Variants in BEST1 observed in about 807,000 individuals in gnomAD.
The protein encoded by BEST1 is bestrophin 1, also known as bestrophin-1.
BEST1 carries 58 observed loss-of-function variants against 63.3 expected under a neutral mutation model. The observed-to-expected ratio is 0.92, with a 90% CI of 0.74 to 1.14. The LOEUF (loss-of-function observed/expected upper bound fraction) is 1.14, where lower values mean the gene tolerates loss of function less well. Among genes scored for constraint, BEST1 ranks in the 50% most tolerant of loss-of-function variants. The pLI is 0.00. For missense variants in BEST1, 671 were observed against 740.1 expected, an observed-to-expected ratio of 0.91 and a Z score of 1.08; for synonymous variants, 283 against 291.6, an observed-to-expected ratio of 0.97 and a Z score of 0.30.
downstream of BEST1, chr11:61,964,823 G>A (rs146700893): frequency 1.5e-4 from 245 of 1,600,790 alleles, no homozygotes; most frequent in African/African-American, 2.6e-3. Flanking sequence ...AGTTGGTCAC[G>A]TGGTCACCCA....
At chr11:61,954,888 C>A in intron 2 of BEST1, 1 of 985,420 alleles carries the variant, frequency 1.0e-6, no homozygotes, top group South Asian at 4.7e-5. Flanking sequence ...ATTCTCCCCA[C>A]AAGAAACCAC....
rs557511698 is a variant in BEST1, at chr11:61,959,662, C to G, written c.948+84C>G. On this transcript the variant is annotated intron_variant, in intron 8 of 10. Transcript: ENST00000378043. ...AGGACCCCACTGTTCTGTAGGGAGG[C>G]CTCACAGTGAATGATCAACCCTTCC... 4.1e-6 allele frequency: 6 copies of G among 1,472,654 alleles called. No homozygotes were observed. The East Asian group carries it at 1.4e-4, about 34-fold the overall frequency. 91.2% of individuals were successfully genotyped at this position (1,472,654 alleles called of 1,614,324 possible). A position where few individuals can be genotyped will look rare whatever the true frequency, so the allele number is the denominator to read the frequency against.
intron 4 of BEST1, 36 bp from the exon 5 acceptor site, chr11:61,956,808 T>C (rs761342902): frequency 6.2e-7 from 1 of 1,613,480 alleles, no homozygotes; most frequent in East Asian, 2.2e-5. Flanking sequence ...TTCTGCAGGT[T>C]CTCCCACCCA....
At chr11:61,964,861 T>C (rs765723689), downstream of BEST1, 10 of 1,604,104 alleles carry the variant, frequency 6.2e-6, no homozygotes, top group Admixed American at 5.0e-5. Context: ...ACCTGCTCAT[T>C]CAGGTAATGT....
Position 61,955,944 on chromosome 11 carries a change from G to C in BEST1, c.474G>C (p.Val158=), listed in dbSNP as rs966570370. 5.2e-6 allele frequency: 8 copies of C among 1,547,202 alleles called. No individual in the cohort carries two copies. The highest frequency in any genetic ancestry group is 7.0e-6 in the Non-Finnish European group (8 of 1,145,090). The change falls in exon 4 of 11, where the codon GTG becomes GTC. Residue 158 remains valine (V), a synonymous_variant. Transcript: ENST00000378043. The part of the protein sequence containing the change: ...YKRFPSAQHL[V]QAGFMTPAEH... ...GCTTCCCCAGCGCCCAGCACCTGGT[G>C]CAAGCAGGTGGGCGGACCGGGAGCA...
At chr11:61,950,599 A>G (rs1940544442) in intron 1 of BEST1, among the ~76,000 whole-genome samples, 172 bp downstream of exon 1, 1 of 152,228 alleles carries the variant, frequency 6.6e-6, no homozygotes, top group Non-Finnish European at 1.5e-5. Flanking sequence ...CTTGGTGTGC[A>G]TCAGGCACAG....
chr11:61,963,852 C>CAG, intron 10 of BEST1: 1 of 1,309,092 alleles, frequency 7.6e-7, no homozygotes, highest in Non-Finnish European at 9.9e-7. Context: ...AAAAAAAATA[C>CAG]AAATCAGCTG....
rs115725578 is a variant in BEST1, at chr11:61,963,772, G to A, written c.1740-332G>A. On this transcript the variant is annotated intron_variant, in intron 10 of 10. Transcript: ENST00000378043. ...AATCTTGTCTTGGGCTGGGTGTGGA[G>A]GCAAGTGGATCACAGGAGGTCAGGA... The A allele has an allele frequency of 3.0e-5, 36 of 1,213,016 alleles. No homozygotes were observed. The African/African-American group carries it at 4.7e-4, about 16-fold the overall frequency. 75.1% of individuals were successfully genotyped at this position (1,213,016 alleles called of 1,614,324 possible).
At chr11:61,950,828 C>T (rs1051069780) in intron 1 of BEST1, among the ~76,000 whole-genome samples, 1 of 152,134 alleles carries the variant, frequency 6.6e-6, no homozygotes, top group African/African-American at 2.4e-5. Flanking sequence ...CACAGAGCAC[C>T]GGTGGCAGTG....
intron 2 of BEST1, among the ~76,000 whole-genome samples, chr11:61,954,378 T>C (rs771129467): frequency 5.9e-5 from 9 of 152,222 alleles, no homozygotes; most frequent in Non-Finnish European, 1.0e-4. Context: ...AAATGTGTAA[T>C]GATGTCTCCA....
intron 3 of BEST1, 136 bp downstream of exon 3, chr11:61,955,337 C>G (rs1295112881): frequency 7.8e-6 from 12 of 1,537,748 alleles, no homozygotes; most frequent in Non-Finnish European, 9.6e-6. Flanking sequence ...CGGCGCCTCT[C>G]TGTAGGGAAA....
intron 10 of BEST1, 99 bp downstream of exon 10, chr11:61,962,992 T>C (rs758698364): frequency 2.8e-5 from 45 of 1,605,172 alleles, no homozygotes; most frequent in Non-Finnish European, 1.2e-5. Flanking sequence ...TTCCTAGGGT[T>C]CCATCACTGC....
At chr11:61,951,733 A>G in intron 1 of BEST1, 38 bp from the exon 2 acceptor site, 2 of 1,590,078 alleles carry the variant, frequency 1.3e-6, no homozygotes, top group East Asian at 4.5e-5. Context: ...AGGGCCTCTG[A>G]TCCCTACAAA....
rs539880452 is a variant in BEST1, at chr11:61,963,236, C to G, written c.1739+343C>G. The stretch of plus-strand genomic sequence containing the variant: ...GAGCAGATGTTATCACTGGCCCCAA[C>G]TTACTTTGAGCAAGGGTGGCTGACC... On this transcript the variant is annotated intron_variant, in intron 10 of 10. Coordinates refer to ENST00000378043, the MANE Select transcript of BEST1 (RefSeq NM_004183.4). 8.6e-6 allele frequency: 12 copies of G among 1,389,280 alleles called. 1 individual carries two copies. The African/African-American group carries it at 1.7e-4, about 20-fold the overall frequency. The allele number at this position is 1,389,280 out of a possible 1,614,324, so 86.1% of individuals were successfully genotyped here.
At chr11:61,963,296 A>G in intron 10 of BEST1, 1 of 1,365,746 alleles carries the variant, frequency 7.3e-7, no homozygotes, top group Non-Finnish European at 9.4e-7. Context: ...TGGATGACAG[A>G]TGAACACTTC....
At chr11:61,965,499 C>T (rs754091676), downstream of BEST1, 1 of 1,602,184 alleles carries the variant, frequency 6.2e-7, no homozygotes, top group Non-Finnish European at 8.5e-7. Flanking sequence ...CACATCATCG[C>T]GGTCAAAGTA....
rs1216572724 is a variant in BEST1, at chr11:61,955,881, G to A, written c.411G>A (p.Val137=). ...TCCGCTACGCCAACCTGGGCAACGT[G>A]CTCATCCTGCGCAGCGTCAGCACCG... ...TLIRYANLGN[V]LILRSVSTAV... The change falls in exon 4 of 11, where the codon GTG becomes GTA. Residue 137 remains valine, a synonymous_variant. Coordinates refer to ENST00000378043, the MANE Select transcript of BEST1 (RefSeq NM_004183.4). The A allele has an allele frequency of 6.4e-7, 1 of 1,550,534 alleles. No homozygotes were observed. Among genetic ancestry groups the A allele is most frequent in the East Asian group, 2.4e-5 (1 of 40,984 alleles).
At chr11:61,963,638 A>G (rs1942302536) in intron 10 of BEST1, 1 of 1,050,658 alleles carries the variant, frequency 9.5e-7, no homozygotes, top group African/African-American at 1.7e-5. Flanking sequence ...ACACGCAGCT[A>G]TTATGATTGA....
rs184392700 is a variant in BEST1 at position 61,952,165 on chromosome 11, G to A, written c.152+207G>A. Among the ~76,000 whole-genome samples the A allele has an allele frequency of 1.2e-4, 19 of 152,306 alleles. No homozygotes were observed. The East Asian group carries it at 3.5e-3, about 28-fold the overall frequency. ...GAAGTCAGACTGAGAGGCTGCTCAA[G>A]CCAGGCCAGCAGGGTTTTAGCCACC... On this transcript the variant is annotated intron_variant, in intron 2 of 10. Coordinates refer to ENST00000378043, the MANE Select transcript of BEST1 (RefSeq NM_004183.4).
Sources: gnomAD v4.1 joint callset for allele counts (sites outside exome capture counted in the v4.1 genomes callset) on GRCh38, gnomAD v4.1.1 for gene constraint, MANE v1.5 for transcripts, NCBI Gene and HGNC (gene_info 2026-07-23, HGNC 2026-07-21) for gene names.